The following EXOC5 variants were observed in gnomAD, a reference collection of about 807,000 sequenced individuals.
EXOC5 encodes the protein SEC10-like 1.
EXOC5 carries 17 observed loss-of-function variants against 90.8 expected under a neutral mutation model. The observed-to-expected ratio is 0.19, with a 90% CI of 0.13 to 0.28. The LOEUF (loss-of-function observed/expected upper bound fraction) is 0.28, where lower values mean the gene tolerates loss of function less well. EXOC5 is among the 10% of genes least tolerant of loss of function. The pLI, the probability that EXOC5 is intolerant of heterozygous loss-of-function variation, is 1.00. For synonymous variants in EXOC5, 260 were observed against 270.0 expected, an observed-to-expected ratio of 0.96 and a Z score of 0.36; for missense variants, 569 against 830.6, an observed-to-expected ratio of 0.69 and a Z score of 3.87.
chr14:57,210,838 A>G (rs1352336622), intron 15 of EXOC5, among the ~76,000 whole-genome samples: 1 of 152,182 alleles, frequency 6.6e-6, no homozygotes, highest in Admixed American at 6.5e-5. Flanking sequence ...TAACCACAAT[A>G]CCTGTTTGCC....
At chr14:57,231,475 T>G (rs1293926785) in intron 11 of EXOC5, 31 bp downstream of exon 11, 2 of 1,481,438 alleles carry the variant, frequency 1.4e-6, no homozygotes. Context: ...TGTCTTCAGT[T>G]TTAACAGAAG....
At chr14:57,232,602 C>A (rs932247095) in intron 10 of EXOC5, 65 bp downstream of exon 10, 3 of 689,752 alleles carry the variant, frequency 4.3e-6, no homozygotes, top group Admixed American at 6.1e-5. Flanking sequence ...TGAATACTTC[C>A]TTGTTTTTAT....
chr14:57,257,194 C>T (rs1884373043), intron 1 of EXOC5, among the ~76,000 whole-genome samples: 2 of 152,260 alleles, frequency 1.3e-5, no homozygotes. Flanking sequence ...AAAGATTACT[C>T]ATTGAGGTAG....
intron 1 of EXOC5, among the ~76,000 whole-genome samples, chr14:57,251,404 C>A (rs551594569): frequency 1.3e-5 from 2 of 152,270 alleles, no homozygotes; most frequent in Non-Finnish European, 2.9e-5. Flanking sequence ...AAGCTCCTCT[C>A]CCTCTGGATA....
intron 1 of EXOC5, among the ~76,000 whole-genome samples, chr14:57,263,934 A>G (rs1594688237): frequency 6.6e-6 from 1 of 152,018 alleles, no homozygotes; most frequent in African/African-American, 2.4e-5. Flanking sequence ...CCTGTCTGAA[A>G]AATCTCTACT....
At chr14:57,257,115 C>T (rs918208443) in intron 1 of EXOC5, among the ~76,000 whole-genome samples, 5 of 151,964 alleles carry the variant, frequency 3.3e-5, no homozygotes, top group East Asian at 1.9e-4. Flanking sequence ...AGGTTCATGA[C>T]GTCTTAAGGC....
intron 12 of EXOC5, among the ~76,000 whole-genome samples, chr14:57,222,762 CATATAT>C (rs149486431): frequency 7.4e-6 from 1 of 135,216 alleles, no homozygotes; most frequent in South Asian, 2.2e-4. Context: ...CACACACACA[CATATAT>C]ATATATATAT....
intron 15 of EXOC5, among the ~76,000 whole-genome samples, chr14:57,210,392 C>T (rs1344749488): frequency 1.3e-5 from 2 of 152,086 alleles, no homozygotes. Context: ...AGTTGAGTAT[C>T]CCTTTCTCAA....
At chr14:57,221,502 T>G (rs1373604482) in intron 13 of EXOC5, among the ~76,000 whole-genome samples, 1 of 151,968 alleles carries the variant, frequency 6.6e-6, no homozygotes, top group Non-Finnish European at 1.5e-5. Flanking sequence ...GAGATAATGG[T>G]GTTTAAATTA....
At chr14:57,260,194 A>G (rs1884457936) in intron 1 of EXOC5, among the ~76,000 whole-genome samples, 1 of 152,184 alleles carries the variant, frequency 6.6e-6, no homozygotes, top group Non-Finnish European at 1.5e-5. Context: ...TAAATAAGTT[A>G]TATTTATTGA....
intron 9 of EXOC5, 44 bp from the exon 10 acceptor site, chr14:57,232,793 A>C: frequency 1.1e-6 from 1 of 904,506 alleles, no homozygotes; most frequent in Non-Finnish European, 1.8e-6. Context: ...GTAAATATTA[A>C]ATTCTACAAC....
chr14:57,239,149 A>G (rs1359050837), intron 5 of EXOC5, among the ~76,000 whole-genome samples: 1 of 152,132 alleles, frequency 6.6e-6, no homozygotes, highest in Non-Finnish European at 1.5e-5. Flanking sequence ...TGTGTATCTT[A>G]ATTTCCTGAA....
intron 3 of EXOC5, among the ~76,000 whole-genome samples, chr14:57,245,234 A>G (rs1252862220): frequency 6.6e-6 from 1 of 152,142 alleles, no homozygotes; most frequent in Non-Finnish European, 1.5e-5. Context: ...GTAATTGCCA[A>G]CAGTGGAATT....
chr14:57,212,088 C>A (rs1017829968), intron 15 of EXOC5, among the ~76,000 whole-genome samples: 2 of 152,150 alleles, frequency 1.3e-5, no homozygotes, highest in African/African-American at 4.8e-5. Context: ...TGGTCCCAAA[C>A]TCCCGGGCTC....
chr14:57,231,441 G>T, intron 11 of EXOC5, 65 bp downstream of exon 11: 1 of 1,035,660 alleles, frequency 9.7e-7, no homozygotes, highest in Non-Finnish European at 1.4e-6. Context: ...TTGATAATTT[G>T]CCCAAATATA....
At chr14:57,248,202 C>A (rs528429775) in intron 1 of EXOC5, among the ~76,000 whole-genome samples, 2 of 150,874 alleles carry the variant, frequency 1.3e-5, no homozygotes, top group African/African-American at 2.4e-5. Flanking sequence ...TGGAGGCCAG[C>A]GGGTAAGTAT....
At chr14:57,231,485 G>C (rs368235096) in intron 11 of EXOC5, 21 bp downstream of exon 11, 18 of 1,537,188 alleles carry the variant, frequency 1.2e-5, no homozygotes, top group Middle Eastern at 4.7e-4. Flanking sequence ...TTTAACAGAA[G>C]TATTTAACAA....
chr14:57,263,535 A>C (rs1884578522), intron 1 of EXOC5, among the ~76,000 whole-genome samples: 1 of 151,878 alleles, frequency 6.6e-6, no homozygotes, highest in African/African-American at 2.4e-5. Flanking sequence ...TGGGAGGCCG[A>C]GGCAGGTCGA....
chr14:57,228,073 A>T (rs1883364792), intron 12 of EXOC5, among the ~76,000 whole-genome samples: 1 of 152,132 alleles, frequency 6.6e-6, no homozygotes, highest in Non-Finnish European at 1.5e-5. Flanking sequence ...TCAAAAGAAG[A>T]CATTTATGCA....
Sources: allele counts gnomAD v4.1 joint callset (sites outside exome capture counted in the v4.1 genomes callset), GRCh38; gene constraint gnomAD v4.1.1; transcripts MANE v1.5; gene names NCBI Gene and HGNC (gene_info 2026-07-23, HGNC 2026-07-21).